ST7: variants seen among roughly 807,000 people sequenced by gnomAD.
The protein encoded by ST7 is suppressor of tumorigenicity 7 protein.
ST7 carries 28 observed loss-of-function variants against 78.7 expected under a neutral mutation model. The observed-to-expected ratio is 0.36, with a 90% CI of 0.26 to 0.49. The LOEUF (loss-of-function observed/expected upper bound fraction) is 0.49. Among genes scored for constraint, ST7 ranks in the 20% least tolerant of loss-of-function variants. The pLI is 0.99. For missense variants in ST7, 418 were observed against 696.0 expected, an observed-to-expected ratio of 0.60 and a Z score of 4.49; for synonymous variants, 247 against 249.6, an observed-to-expected ratio of 0.99 and a Z score of 0.10.
At chr7:117,014,470 A>T (rs1474279715) in intron 1 of ST7, among the ~76,000 whole-genome samples, 2 of 152,218 alleles carry the variant, frequency 1.3e-5, no homozygotes, top group African/African-American at 4.8e-5. Flanking sequence ...CATCACCTTT[A>T]TTAGGTTTGT....
chr7:117,009,573 T>C (rs1307029287), intron 1 of ST7, among the ~76,000 whole-genome samples: 1 of 152,208 alleles, frequency 6.6e-6, no homozygotes, highest in African/African-American at 2.4e-5. Context: ...TATTGTTGGA[T>C]TCATATTTGT....
At chr7:117,043,306 A>C (rs1181792125) in intron 1 of ST7, among the ~76,000 whole-genome samples, 1 of 152,162 alleles carries the variant, frequency 6.6e-6, no homozygotes, top group African/African-American at 2.4e-5. Flanking sequence ...TTATAGTCTT[A>C]GAGTTGTTGT....
chr7:117,022,902 G>A (rs1795996020), intron 1 of ST7: 1 of 152,140 alleles, frequency 6.6e-6, no homozygotes. Context: ...TATACCCATA[G>A]AACTCTACTC....
chr7:117,138,292 C>T, intron 8 of ST7, 143 bp from the exon 9 acceptor site: 1 of 532,062 alleles, frequency 1.9e-6, no homozygotes, highest in Non-Finnish European at 3.4e-6. Flanking sequence ...CTTTGGGAGT[C>T]TAAGTGCTTT....
intron 9 of ST7, among the ~76,000 whole-genome samples, chr7:117,168,713 T>C (rs1472727382): frequency 1.3e-5 from 2 of 152,228 alleles, no homozygotes. Flanking sequence ...GGTTTTTCGT[T>C]AGTAATATGA....
At chr7:117,107,385 A>C (rs1255357678) in intron 2 of ST7, among the ~76,000 whole-genome samples, 1 of 152,110 alleles carries the variant, frequency 6.6e-6, no homozygotes, top group Non-Finnish European at 1.5e-5. Context: ...TCCCACCAGC[A>C]GTGTAAAAGT....
At chr7:116,975,491 TCCA>T (rs1169225806) in intron 1 of ST7, among the ~76,000 whole-genome samples, 2 of 152,078 alleles carry the variant, frequency 1.3e-5, no homozygotes, top group Non-Finnish European at 2.9e-5. Context: ...CACTGCAGCC[TCCA>T]CCTCCCGGGT....
chr7:117,129,228 C>A (rs1024395208), intron 3 of ST7, among the ~76,000 whole-genome samples: 2 of 151,916 alleles, frequency 1.3e-5, no homozygotes, highest in East Asian at 3.9e-4. Context: ...GAGACAATTT[C>A]TTTTAATTGC....
At chr7:117,113,766 G>T (rs6954297) in intron 2 of ST7, among the ~76,000 whole-genome samples, 6,063 of 152,226 alleles carry the variant, frequency 0.04, 357 homozygotes, top group African/African-American at 0.13. Context: ...TGTTTAAAAT[G>T]ATAGATTCTG....
At chr7:117,003,759 A>G (rs1048007154) in intron 1 of ST7, among the ~76,000 whole-genome samples, 2 of 152,226 alleles carry the variant, frequency 1.3e-5, no homozygotes, top group African/African-American at 2.4e-5. Flanking sequence ...CTTGTGGTGT[A>G]CTGAAGGACT....
chr7:117,127,884 A>T (rs745691904), intron 3 of ST7, among the ~76,000 whole-genome samples: 15 of 151,982 alleles, frequency 9.9e-5, no homozygotes, highest in Non-Finnish European at 2.1e-4. Flanking sequence ...AAATAATTTC[A>T]ATTGCATCTG....
chr7:117,191,142 T>A (rs547442383), intron 12 of ST7, among the ~76,000 whole-genome samples: 3 of 152,306 alleles, frequency 2.0e-5, no homozygotes, highest in African/African-American at 7.2e-5. Context: ...CAGACTTCAC[T>A]TAATAAGGGT....
chr7:117,020,575 C>G (rs1225345038), intron 1 of ST7: 1 of 1,542,188 alleles, frequency 6.5e-7, no homozygotes, highest in Admixed American at 2.0e-5. Context: ...TTTCTTTCTT[C>G]TAATTTTTAA....
intron 3 of ST7, among the ~76,000 whole-genome samples, chr7:117,123,884 C>T (rs1803608056): frequency 6.6e-6 from 1 of 152,116 alleles, no homozygotes; most frequent in African/African-American, 2.4e-5. Context: ...AGTTTAAATT[C>T]TCTGAGATAC....
At chr7:116,984,207 C>T (rs1794093240) in intron 1 of ST7, among the ~76,000 whole-genome samples, 2 of 151,936 alleles carry the variant, frequency 1.3e-5, no homozygotes, top group Non-Finnish European at 2.9e-5. Context: ...AAAGGACTCC[C>T]TTGTTGTGAT....
intron 13 of ST7, among the ~76,000 whole-genome samples, chr7:117,216,732 G>C (rs893859621): frequency 1.3e-5 from 2 of 152,134 alleles, no homozygotes; most frequent in Non-Finnish European, 2.9e-5. Context: ...AGCAGAAATT[G>C]TATTTGCTTT....
intron 15 of ST7, among the ~76,000 whole-genome samples, chr7:117,225,728 G>A (rs975054863): frequency 3.9e-5 from 6 of 152,196 alleles, no homozygotes; most frequent in Non-Finnish European, 7.3e-5. Flanking sequence ...TTTAGTAGAT[G>A]CAGAGAGATT....
chr7:117,103,065 G>GA, intron 2 of ST7, among the ~76,000 whole-genome samples: 1 of 152,094 alleles, frequency 6.6e-6, no homozygotes, highest in Admixed American at 6.5e-5. Context: ...AACCCTGATG[G>GA]AAAAAAATTG....
chr7:117,015,172 T>C (rs182667440), intron 1 of ST7, among the ~76,000 whole-genome samples: 92 of 152,360 alleles, frequency 6.0e-4, no homozygotes, highest in Non-Finnish European at 9.8e-4. Context: ...TTTATCCAAA[T>C]TGTGATTAAT....
Sources: gnomAD v4.1 joint callset for allele counts (sites outside exome capture counted in the v4.1 genomes callset) on GRCh38, gnomAD v4.1.1 for gene constraint, MANE v1.5 for transcripts, NCBI Gene and HGNC (gene_info 2026-07-23, HGNC 2026-07-21) for gene names.